Variants in HPRT1 observed in about 807,000 individuals in gnomAD.
HPRT1 encodes the protein hypoxanthine-guanine phosphoribosyltransferase.
A neutral mutation model predicts 19.0 loss-of-function variants in HPRT1; 4 were observed. The observed-to-expected ratio is 0.21, with a 90% CI of 0.10 to 0.48. The LOEUF (loss-of-function observed/expected upper bound fraction) is 0.48. Among genes scored for constraint, HPRT1 ranks in the 20% least tolerant of loss-of-function variants. The pLI, the probability that HPRT1 is intolerant of heterozygous loss-of-function variation, is 0.98. For synonymous variants in HPRT1, 53 were observed against 54.9 expected (o/e 0.97, Z 0.15); for missense variants, 65 against 164.0 (o/e 0.40, Z 3.30).
intron 4 of HPRT1, 22 bp downstream of exon 4, chrX:134,486,552 A>G (rs778224790): frequency 2.1e-6 from 2 of 949,252 alleles, no homozygotes; most frequent in African/African-American, 1.9e-5. Flanking sequence ...GAAAGGGAAG[A>G]AAAAAAAGCA....
intron 1 of HPRT1, among the ~76,000 whole-genome samples, chrX:134,470,305 A>G (rs142984185): frequency 6.9e-4 from 77 of 111,986 alleles, no homozygotes; most frequent in Non-Finnish European, 1.2e-3. Context: ...CAACCTGACA[A>G]TACATGAAGT....
chrX:134,492,034 TACACACAC>T (rs1284754285), intron 5 of HPRT1, among the ~76,000 whole-genome samples: 2 of 97,299 alleles, frequency 2.1e-5, no homozygotes, highest in African/African-American at 7.8e-5. Flanking sequence ...TATATATATA[TACACACAC>T]ACACACATAT....
intron 1 of HPRT1, among the ~76,000 whole-genome samples, chrX:134,470,350 G>A (rs978762646): frequency 4.5e-5 from 5 of 111,732 alleles, no homozygotes; most frequent in African/African-American, 1.6e-4. Flanking sequence ...ACTGAGCTTT[G>A]GGGACTGAAA....
At chrX:134,497,074 T>C (rs997561963) in intron 6 of HPRT1, among the ~76,000 whole-genome samples, 1 of 112,336 alleles carries the variant, frequency 8.9e-6, no homozygotes, top group Non-Finnish European at 1.9e-5. Context: ...AGTTGACTTA[T>C]ACCACCTCCA....
At chrX:134,485,896 G>C (rs2077651540) in intron 3 of HPRT1, among the ~76,000 whole-genome samples, 1 of 112,267 alleles carries the variant, frequency 8.9e-6, no homozygotes, top group Non-Finnish European at 1.9e-5. Flanking sequence ...TTCTGTGATA[G>C]CAGTAAAATG....
At chrX:134,494,103 C>T (rs377417525) in intron 6 of HPRT1, among the ~76,000 whole-genome samples, 5 of 111,817 alleles carry the variant, frequency 4.5e-5, no homozygotes, top group South Asian at 7.5e-4. Flanking sequence ...TTCTCATTTT[C>T]GTTTCATCTC....
rs755337774 is a variant in HPRT1, at chrX:134,492,774, C to G, written c.403-734C>G. On this transcript the variant is annotated intron_variant, in intron 5 of 8. Coordinates refer to ENST00000298556, the MANE Select transcript of HPRT1 (RefSeq NM_000194.3). Reference sequence around the variant, plus strand: ...GAGGGAACCCTTCTGTGTGTGTACACCAGGAGGCAGGAATTTTTTTTTTCT... The same window carrying G: ...GAGGGAACCCTTCTGTGTGTGTACAGCAGGAGGCAGGAATTTTTTTTTTCT... 2.7e-5 allele frequency among the ~76,000 whole-genome samples: 3 copies of G among 111,596 alleles called. No individual in the cohort carries two copies. The South Asian group carries it at 1.1e-3, about 43-fold the overall frequency.
At chrX:134,478,716 A>G (rs2077631944) in intron 3 of HPRT1, among the ~76,000 whole-genome samples, 1 of 112,418 alleles carries the variant, frequency 8.9e-6, no homozygotes, top group African/African-American at 3.2e-5. Flanking sequence ...AGAATATTCT[A>G]AAGAATTCTC....
chrX:134,477,042 T>G (rs2077627200), intron 3 of HPRT1, among the ~76,000 whole-genome samples: 1 of 106,121 alleles, frequency 9.4e-6, no homozygotes, highest in South Asian at 3.9e-4. Context: ...TTATTTTATT[T>G]TATTTTATTT....
chrX:134,498,294 G>A (rs1407988709), intron 6 of HPRT1, 96 bp from the exon 7 acceptor site: 9 of 699,770 alleles, frequency 1.3e-5, no homozygotes, highest in South Asian at 4.3e-5. Flanking sequence ...CACTCAGCAC[G>A]GATGAAATGA....
chrX:134,473,300 C>A, intron 1 of HPRT1, 59 bp from the exon 2 acceptor site: 1 of 724,595 alleles, frequency 1.4e-6, no homozygotes, highest in Non-Finnish European at 2.2e-6. Context: ...ACATCTTAAT[C>A]CAATCAAATG....
chrX:134,484,866 G>A (rs2077648944), intron 3 of HPRT1, among the ~76,000 whole-genome samples: 1 of 111,535 alleles, frequency 9.0e-6, no homozygotes, highest in Non-Finnish European at 1.9e-5. Context: ...GAGAGACAGG[G>A]TCTTGCTGTG....
At chrX:134,472,363 GGA>G (rs1236145681) in intron 1 of HPRT1, among the ~76,000 whole-genome samples, 2 of 111,097 alleles carry the variant, frequency 1.8e-5, no homozygotes, top group African/African-American at 3.3e-5. Flanking sequence ...ACTCAAAAGT[GGA>G]GAGAATAGTA....
chrX:134,469,985 A>G (rs2077606622), intron 1 of HPRT1, among the ~76,000 whole-genome samples: 1 of 112,797 alleles, frequency 8.9e-6, no homozygotes, highest in South Asian at 3.6e-4. Flanking sequence ...GTGACACACA[A>G]ATGTCCCATT....
At position 134,481,199 on chromosome X, in the gene HPRT1, A is replaced by T. The variant is rs188147237; in HGVS notation, c.319-5266A>T. ...ACCTATATACTTCATGTTGTACATT[A>T]TATTTCTAGACTTGTTCATCCTACA... is the stretch of plus-strand genomic sequence containing the variant. On this transcript the variant is annotated intron_variant, in intron 3 of 8. Coordinates refer to ENST00000298556, the MANE Select transcript of HPRT1 (RefSeq NM_000194.3). Among the ~76,000 whole-genome samples the T allele has an allele frequency of 2.5e-3, 275 of 110,306 alleles. 1 individual carries two copies. The highest frequency in any genetic ancestry group is 8.4e-3 in the African/African-American group (255 of 30,314).
At position 134,486,804 on chromosome X, in the gene HPRT1, G is replaced by A. The variant is rs377082114; in HGVS notation, c.384+274G>A. The A allele has an allele frequency of 8.4e-5, 18 of 213,551 alleles. No individual in the cohort carries two copies. In the East Asian group the frequency reaches 1.4e-3, roughly 17 times the overall value. 17.6% of individuals were successfully genotyped at this position (213,551 alleles called of 1,213,427 possible). The stretch of plus-strand genomic sequence containing the variant: ...GATCCTTCAAAAAACATTGATGGGG[G>A]AAAAGATAGCCTTTAAAAAAAAAAA... On this transcript the variant is annotated intron_variant, in intron 4 of 8. Transcript: ENST00000298556.
At chrX:134,477,125 A>G (rs1473936425) in intron 3 of HPRT1, among the ~76,000 whole-genome samples, 2 of 104,214 alleles carry the variant, frequency 1.9e-5, no homozygotes, top group South Asian at 8.4e-4. Context: ...CAGTGGCATG[A>G]TCGTAGCTCA....
At chrX:134,464,208 C>A (rs752467683) in intron 1 of HPRT1, among the ~76,000 whole-genome samples, 108 of 112,200 alleles carry the variant, frequency 9.6e-4, no homozygotes, top group African/African-American at 3.3e-3. Context: ...CAGCTTTATC[C>A]CTCAGAAGGG....
intron 4 of HPRT1, among the ~76,000 whole-genome samples, chrX:134,489,862 A>G (rs373177463): frequency 8.9e-6 from 1 of 111,991 alleles, no homozygotes; most frequent in East Asian, 2.8e-4. Context: ...CAACTGCTTC[A>G]AGTTTCATTT....
Sources: allele counts gnomAD v4.1 joint callset (sites outside exome capture counted in the v4.1 genomes callset), GRCh38; gene constraint gnomAD v4.1.1; transcripts MANE v1.5; gene names NCBI Gene and HGNC (gene_info 2026-07-23, HGNC 2026-07-21).